The following HMCN1 variants were observed in gnomAD, a reference collection of about 807,000 sequenced individuals.
The protein encoded by HMCN1 is hemicentin 1.
In HMCN1, 321 loss-of-function variants were observed where a neutral mutation model predicts 625.9. The observed-to-expected ratio is 0.51, with a 90% confidence interval of 0.47 to 0.56. The LOEUF (loss-of-function observed/expected upper bound fraction) is 0.56. Ranked by LOEUF, HMCN1 falls within the 20% of genes least tolerant of loss-of-function variation. The pLI is 0.00. For missense variants in HMCN1, 6,588 were observed against 6,887.3 expected (o/e 0.96, Z 1.54); for synonymous variants, 2,425 against 2,417.6 (o/e 1.00, Z -0.09).
Position 186,086,316 on chromosome 1 carries a change from C to A in HMCN1, c.8955C>A (p.Thr2985=), listed in dbSNP as rs1571329833. The change falls in exon 58 of 107, where the codon ACC becomes ACA. Residue 2985 remains threonine (T), a synonymous_variant. Coordinates refer to ENST00000271588, the MANE Select transcript of HMCN1 (RefSeq NM_031935.3). ...TVVVNNFISL[T]CEVSGFPPPD... Reference sequence around the variant, plus strand: ...TGGTGAACAATTTCATCTCTTTGACCTGTGAGGTCTCTGGTTTTCCACCTC... The same window carrying A: ...TGGTGAACAATTTCATCTCTTTGACATGTGAGGTCTCTGGTTTTCCACCTC... 6.2e-7 allele frequency: 1 copy of A among 1,613,226 alleles called. No homozygotes were observed. Among genetic ancestry groups the A allele is most frequent in the African/African-American group, 1.3e-5 (1 of 74,958 alleles).
chr1:185,793,334 C>T (rs556614215), intron 1 of HMCN1, among the ~76,000 whole-genome samples: 2 of 152,250 alleles, frequency 1.3e-5, no homozygotes, highest in South Asian at 4.1e-4. Flanking sequence ...ATGTAACTTG[C>T]ATTCCTTGGT....
Position 186,144,294 on chromosome 1 carries a change from T to C in HMCN1, c.14046T>C (p.Cys4682=), listed in dbSNP as rs758840758. ...CACCAGCGTTTGGTGGGTCCTACTG[T>C]GATGGAGCAGAAACACAGATGCAAG... ...NPPPAFGGSY[C]DGAETQMQVC... Residue 4682 remains cysteine (C), a synonymous_variant, in exon 90 of 107, where the codon TGT becomes TGC. Coordinates refer to ENST00000271588, the MANE Select transcript of HMCN1 (RefSeq NM_031935.3). 1.1e-5 allele frequency: 18 copies of C among 1,613,806 alleles called. No homozygotes were observed. The highest frequency in any genetic ancestry group is 5.5e-5 in the South Asian group (5 of 91,070).
At chr1:185,746,681 C>T (rs947606186) in intron 1 of HMCN1, among the ~76,000 whole-genome samples, 29 of 151,104 alleles carry the variant, frequency 1.9e-4, no homozygotes, top group African/African-American at 5.6e-4. Flanking sequence ...CTCAGCTCAC[C>T]GCAACTTCTG....
At position 185,785,512 on chromosome 1, in the gene HMCN1, T is replaced by C. The variant is rs117585474; in HGVS notation, c.268+50465T>C. On this transcript the variant is annotated intron_variant, in intron 1 of 106. Coordinates refer to ENST00000271588, the MANE Select transcript of HMCN1 (RefSeq NM_031935.3). Reference sequence around the variant, plus strand: ...GAAGAGTCTGTGCTCAGTTTCAAACTGCTAATTTTCCCTGGAAGTCCAATT... The same window carrying C: ...GAAGAGTCTGTGCTCAGTTTCAAACCGCTAATTTTCCCTGGAAGTCCAATT... Among the ~76,000 whole-genome samples, 33 of 152,354 alleles carry C rather than the reference T, an allele frequency of 2.2e-4. No homozygotes were observed. In the East Asian group the frequency reaches 5.8e-3, roughly 27 times the overall value.
intron 80 of HMCN1, among the ~76,000 whole-genome samples, chr1:186,122,334 T>G (rs1661434713): frequency 6.6e-6 from 1 of 152,298 alleles, no homozygotes; most frequent in South Asian, 2.1e-4. Flanking sequence ...GAATAGAATA[T>G]CCAGGCTAAT....
chr1:185,958,188 C>T (rs983516570), intron 11 of HMCN1, among the ~76,000 whole-genome samples: 5 of 152,128 alleles, frequency 3.3e-5, no homozygotes, highest in African/African-American at 1.2e-4. Context: ...ACCTTTGGCT[C>T]ACTGCAACCT....
intron 4 of HMCN1, among the ~76,000 whole-genome samples, chr1:185,907,954 T>C (rs2102447829): frequency 6.6e-6 from 1 of 152,012 alleles, no homozygotes; most frequent in South Asian, 2.1e-4. Context: ...CTTTATTATG[T>C]GTAGAGCAAA....
Position 185,909,373 on chromosome 1 carries a change from A to C in HMCN1, c.658A>C (p.Lys220Gln). 6 of 1,613,258 alleles carry C rather than the reference A, an allele frequency of 3.7e-6. No homozygotes were observed. The highest frequency in any genetic ancestry group is 5.1e-6 in the Non-Finnish European group (6 of 1,179,310). ...GGTAGAAGAAGCAGTACAGGCCTCC[A>C]AAGTTCACCTTTTATCCACAGATCA... ...KWVEEAVQAS[K>Q]VHLLSTDHLE... Residue 220 changes from lysine (K) to glutamine (Q), a missense_variant, in exon 5 of 107, where the codon AAA (lysine) becomes CAA (glutamine). Physicochemically the swap from Lys to Gln is moderately conservative, Grantham distance 53. Coordinates refer to ENST00000271588, the MANE Select transcript of HMCN1 (RefSeq NM_031935.3).
intron 10 of HMCN1, among the ~76,000 whole-genome samples, chr1:185,931,077 C>T (rs915971498): frequency 1.3e-5 from 2 of 152,130 alleles, no homozygotes; most frequent in East Asian, 3.8e-4. Context: ...AATAATCTTA[C>T]ACCACCTTAT....
chr1:186,098,432 G>GA (rs1351473696), intron 68 of HMCN1, among the ~76,000 whole-genome samples: 2 of 152,036 alleles, frequency 1.3e-5, no homozygotes, highest in Non-Finnish European at 2.9e-5. Context: ...AGAGGTATAT[G>GA]AAAAAAGCCT....
At position 185,997,451 on chromosome 1, in the gene HMCN1, A is replaced by G; in HGVS notation, c.3801A>G (p.Leu1267=). 2 of 1,611,556 alleles carry G rather than the reference A, an allele frequency of 1.2e-6. No homozygotes were observed. The highest frequency in any genetic ancestry group is 1.7e-6 in the Non-Finnish European group (2 of 1,178,124). ...TAGAACCACCCACAGTGGAAGATCTAGAACCTCCATATAACACTACTTTCC... is the reference window on the plus strand; with the variant it reads ...TAGAACCACCCACAGTGGAAGATCTGGAACCTCCATATAACACTACTTTCC... The part of the protein sequence containing the change: ...HVQEPPTVED[L]EPPYNTTFQE... Residue 1267 remains leucine, a synonymous_variant, in exon 25 of 107, where the codon CTA becomes CTG. Coordinates refer to ENST00000271588, the MANE Select transcript of HMCN1 (RefSeq NM_031935.3).
At position 186,093,563 on chromosome 1, in the gene HMCN1, T is replaced by C; in HGVS notation, c.10090T>C (p.Cys3364Arg). 1 of 1,613,484 alleles carries C rather than the reference T, an allele frequency of 6.2e-7. No homozygotes were observed. Among genetic ancestry groups the C allele is most frequent in the Non-Finnish European group, 8.5e-7 (1 of 1,179,656 alleles). The change falls in exon 66 of 107, where the codon TGC becomes CGC. Residue 3364 changes from cysteine (C) to arginine (R), a missense_variant. Around this residue, in one of 3 missense-constraint regions of HMCN1, gnomAD observed 4,628 missense variants for 4,853.1 expected, o/e 0.95. Transcript: ENST00000271588. ...AGTGGATACTTCAATAAATATTGAA[T>C]GCAGAGCCACAGGGACGCCTCCACC... ...TLVDTSINIE[C>R]RATGTPPPQI... is the part of the protein sequence containing the mutation.
chr1:185,917,589 G>GA (rs1255921078), intron 6 of HMCN1, among the ~76,000 whole-genome samples: 1 of 152,118 alleles, frequency 6.6e-6, no homozygotes, highest in Non-Finnish European at 1.5e-5. Context: ...GAATATCTAA[G>GA]AAAAAACATC....
chr1:186,070,403 A>G (rs1357402966), intron 51 of HMCN1, among the ~76,000 whole-genome samples: 3 of 152,224 alleles, frequency 2.0e-5, no homozygotes, highest in Non-Finnish European at 4.4e-5. Flanking sequence ...GCAGTATCAC[A>G]TGATAAAGGG....
chr1:185,843,238 G>A (rs915956176), intron 1 of HMCN1, among the ~76,000 whole-genome samples: 2 of 152,136 alleles, frequency 1.3e-5, no homozygotes, highest in Admixed American at 6.6e-5. Flanking sequence ...TTATCAGGAC[G>A]ACAGTAAAGC....
intron 40 of HMCN1, among the ~76,000 whole-genome samples, chr1:186,044,894 TTACTC>T (rs1482202909): frequency 6.6e-6 from 1 of 152,136 alleles, no homozygotes; most frequent in Non-Finnish European, 1.5e-5. Flanking sequence ...AAATGATTGT[TTACTC>T]TATTCTTTAA....
In HMCN1 at chr1:186,067,922, A is replaced by G. The variant is rs764059530; in HGVS notation, c.7794A>G (p.Glu2598=). 1.2e-6 allele frequency: 2 copies of G among 1,613,508 alleles called. No individual in the cohort carries two copies. Among genetic ancestry groups the G allele is most frequent in the South Asian group, 2.2e-5 (2 of 91,068 alleles). Residue 2598 remains glutamate, a synonymous_variant, in exon 50 of 107, where the codon GAA becomes GAG. Transcript: ENST00000271588. ...ILNSPTSLVC[E]AYSYPPATIT... is the part of the protein sequence containing the mutation. The stretch of plus-strand genomic sequence containing the variant: ...ACAGCCCTACATCTTTGGTCTGTGA[A>G]GCTTATTCATATCCTCCAGCTACCA...
chr1:186,153,998 A>G lies in HMCN1; in HGVS notation c.15256+11A>G. ...CTTCAATATCCAAAGGTAATTTGAT[A>G]AAAGAAAATCCATATCTTTATGCCA... On this transcript the variant is annotated intron_variant, in intron 97 of 106. Transcript: ENST00000271588. 6.2e-7 allele frequency: 1 copy of G among 1,600,566 alleles called. No homozygotes were observed.
Position 186,128,266 on chromosome 1 carries a change from G to C in HMCN1, c.12879G>C (p.Trp4293Cys). The part of the protein sequence containing the change: ...ATGIPLPKLT[W>C]TFNNNIIPAH... ...GTATTCCATTGCCCAAATTAACATG[G>C]ACCTTCAATAACAATATTATTCCAG... Residue 4293 changes from tryptophan to cysteine, a missense_variant, in exon 83 of 107, where the codon TGG becomes TGC. Physicochemically the swap from Trp to Cys is radical, Grantham distance 215. This residue lies in a region of HMCN1 where 1,954 missense variants were observed against 2,013.1 expected (regional missense o/e 0.97). Transcript: ENST00000271588. The C allele has an allele frequency of 6.2e-7, 1 of 1,613,140 alleles. No individual in the cohort carries two copies. Among genetic ancestry groups the C allele is most frequent in the East Asian group, 2.2e-5 (1 of 44,856 alleles).
Sources: gnomAD v4.1 joint callset for allele counts (sites outside exome capture counted in the v4.1 genomes callset) on GRCh38, gnomAD v4.1.1 for gene constraint, gnomAD v4.1.1 regional missense constraint, MANE v1.5 for transcripts, NCBI Gene and HGNC (gene_info 2026-07-23, HGNC 2026-07-21) for gene names.